Variants in SLC24A2 observed in about 807,000 individuals in gnomAD.
SLC24A2 encodes the protein sodium/potassium/calcium exchanger 2.
A neutral mutation model predicts 62.0 loss-of-function variants in SLC24A2; 36 were observed. The observed-to-expected ratio is 0.58, with a 90% CI of 0.44 to 0.77. The LOEUF is 0.77. SLC24A2 is among the 30% of genes least tolerant of loss of function. The pLI is 0.00. For synonymous variants in SLC24A2, 358 were observed against 294.0 expected (o/e 1.22, Z -2.23); for missense variants, 846 against 817.9 (o/e 1.03, Z -0.42).
the SLC24A2 span, among the ~76,000 whole-genome samples, chr9:19,847,306 T>C: frequency 2.6e-5 from 4 of 152,226 alleles, no homozygotes; most frequent in Non-Finnish European, 5.9e-5. Flanking sequence ...TGAAATTTTA[T>C]GTTGGGAAAA....
At chr9:20,261,424 G>C in the SLC24A2 span, among the ~76,000 whole-genome samples, 8 of 152,262 alleles carry the variant, frequency 5.3e-5, no homozygotes, top group South Asian at 4.2e-4. Context: ...GCAAGCATGT[G>C]TAAAAAGAAG....
At chr9:19,608,301 A>G (rs904022405) in intron 4 of SLC24A2, among the ~76,000 whole-genome samples, 1 of 152,184 alleles carries the variant, frequency 6.6e-6, no homozygotes, top group Non-Finnish European at 1.5e-5. Context: ...AAAATTTATG[A>G]AAGCTCATTT....
the SLC24A2 span, among the ~76,000 whole-genome samples, chr9:20,057,043 T>G: frequency 4.6e-5 from 7 of 152,166 alleles, no homozygotes; most frequent in Admixed American, 1.3e-4. Flanking sequence ...ACAGACATAA[T>G]TTTTTAAATC....
the SLC24A2 span, among the ~76,000 whole-genome samples, chr9:20,152,710 C>T: frequency 6.6e-6 from 1 of 151,788 alleles, no homozygotes; most frequent in African/African-American, 2.4e-5. Context: ...AGCAAGTACA[C>T]CCCAAATAAA....
At chr9:19,745,103 T>A (rs1821794296) in intron 2 of SLC24A2, among the ~76,000 whole-genome samples, 1 of 151,968 alleles carries the variant, frequency 6.6e-6, no homozygotes, top group South Asian at 2.1e-4. Flanking sequence ...ATTGAGTGAG[T>A]TCTTGCACTG....
the SLC24A2 span, among the ~76,000 whole-genome samples, chr9:20,231,929 G>C: frequency 1.3e-5 from 2 of 152,132 alleles, no homozygotes; most frequent in Non-Finnish European, 2.9e-5. Flanking sequence ...AATTTATTGA[G>C]AGTTTTTAGC....
At position 19,516,148 on chromosome 9, in the gene SLC24A2, T is replaced by C; in HGVS notation, c.*5A>G. 1.9e-6 allele frequency: 3 copies of C among 1,614,108 alleles called. No homozygotes were observed. The highest frequency in any genetic ancestry group is 2.5e-6 in the Non-Finnish European group (3 of 1,180,006). ...TGCTGCTGGTGCAAGATATGGCTTT[T>C]CCTGCTAGATGGAGACGGGGCATGT... On this transcript the variant is annotated 3_prime_UTR_variant, in exon 11 of 11. Transcript: ENST00000341998.
At chr9:20,045,100 A>T in the SLC24A2 span, among the ~76,000 whole-genome samples, 4,132 of 152,294 alleles carry the variant, frequency 0.027, 174 homozygotes, top group African/African-American at 0.087. Flanking sequence ...TGCTTTAAAC[A>T]TTTCTATACA....
At chr9:20,115,600 A>G in the SLC24A2 span, among the ~76,000 whole-genome samples, 1 of 152,136 alleles carries the variant, frequency 6.6e-6, no homozygotes. Context: ...AACACGTCAA[A>G]CTTGATTTCT....
chr9:19,689,233 C>A (rs530456314), intron 2 of SLC24A2, among the ~76,000 whole-genome samples: 1 of 152,128 alleles, frequency 6.6e-6, no homozygotes, highest in South Asian at 2.1e-4. Context: ...CGCTTCTCCA[C>A]GGAGAAGTGT....
the SLC24A2 span, among the ~76,000 whole-genome samples, chr9:19,828,722 G>C: frequency 6.6e-6 from 1 of 152,150 alleles, no homozygotes; most frequent in Non-Finnish European, 1.5e-5. Flanking sequence ...ATTACAAAAA[G>C]TGAACAGGTG....
In SLC24A2 at chr9:19,688,808, C is replaced by T. The variant is rs1272788948; in HGVS notation, c.931-66509G>A. Among the ~76,000 whole-genome samples, 5 of 152,146 alleles carry T rather than the reference C, an allele frequency of 3.3e-5. No individual in the cohort carries two copies. The East Asian group carries it at 5.8e-4, about 18-fold the overall frequency. ...GAGGAATGCCTCTTATTTTGCATGTCCCTGCATGTCATGCTCAGAGATACC... is the reference window on the plus strand; with the variant it reads ...GAGGAATGCCTCTTATTTTGCATGTTCCTGCATGTCATGCTCAGAGATACC... On this transcript the variant is annotated intron_variant, in intron 2 of 10. Coordinates refer to ENST00000341998, the MANE Select transcript of SLC24A2 (RefSeq NM_020344.4).
chr9:20,206,108 T>C, the SLC24A2 span, among the ~76,000 whole-genome samples: 1 of 152,176 alleles, frequency 6.6e-6, no homozygotes, highest in Non-Finnish European at 1.5e-5. Flanking sequence ...TGTGACAGAG[T>C]ATAAAAAGTT....
chr9:19,743,236 A>G (rs1260585801), intron 2 of SLC24A2, among the ~76,000 whole-genome samples: 1 of 152,184 alleles, frequency 6.6e-6, no homozygotes, highest in Admixed American at 6.6e-5. Context: ...GGACAACTAC[A>G]GCTGAGGTTA....
intron 2 of SLC24A2, among the ~76,000 whole-genome samples, chr9:19,685,830 T>C (rs1819864685): frequency 6.6e-6 from 1 of 152,030 alleles, no homozygotes; most frequent in Non-Finnish European, 1.5e-5. Flanking sequence ...GAAGATAATC[T>C]AGGAAATACT....
At chr9:20,133,105 G>C in the SLC24A2 span, among the ~76,000 whole-genome samples, 2 of 152,094 alleles carry the variant, frequency 1.3e-5, no homozygotes, top group East Asian at 3.9e-4. Context: ...TTAATCAGTT[G>C]GAAAGCCTAA....
chr9:19,573,529 CAGAGAG>C (rs35965587), intron 6 of SLC24A2, 60 bp from the exon 7 acceptor site: 120 of 432,696 alleles, frequency 2.8e-4, no homozygotes, highest in African/African-American at 1.5e-3. Flanking sequence ...CACACACACA[CAGAGAG>C]AGAGAGAGAG....
the SLC24A2 span, among the ~76,000 whole-genome samples, chr9:19,977,877 T>A: frequency 3.3e-5 from 5 of 152,102 alleles, no homozygotes; most frequent in Admixed American, 6.5e-5. Context: ...CACAGAATAG[T>A]CGTATGCCCT....
chr9:19,541,813 C>T (rs1225555934), intron 8 of SLC24A2, among the ~76,000 whole-genome samples: 8 of 149,350 alleles, frequency 5.4e-5, no homozygotes, highest in East Asian at 4.0e-4. Context: ...GCCTCGTTGC[C>T]GCCTTGCAGT....
Sources: allele counts gnomAD v4.1 joint callset (sites outside exome capture counted in the v4.1 genomes callset), GRCh38; gene constraint gnomAD v4.1.1; transcripts MANE v1.5; gene names NCBI Gene and HGNC (gene_info 2026-07-23, HGNC 2026-07-21).